The following ADAMTS2 variants were observed in gnomAD, a reference collection of about 807,000 sequenced individuals.
ADAMTS2 encodes ADAM metallopeptidase with thrombospondin type 1 motif 2.
Under a neutral mutation model 123.0 loss-of-function variants are expected in ADAMTS2, and 50 were observed. The ratio of observed to expected loss-of-function variants is 0.41; its 90% CI spans 0.32 to 0.51. ADAMTS2 has a LOEUF of 0.51. Ranked by LOEUF, ADAMTS2 falls within the 20% of genes least tolerant of loss-of-function variation. The pLI, the probability that ADAMTS2 is intolerant of heterozygous loss-of-function variation, is 0.35. For synonymous variants in ADAMTS2, 678 were observed against 695.4 expected (o/e 0.98, Z 0.39); for missense variants, 1,494 against 1,705.2 (o/e 0.88, Z 2.18).
chr5:179,238,411 C>T (rs1262961992), intron 3 of ADAMTS2, among the ~76,000 whole-genome samples: 5 of 152,276 alleles, frequency 3.3e-5, no homozygotes, highest in Admixed American at 3.3e-4. Flanking sequence ...CAGAGGGTGC[C>T]AGTGCTCTGA....
At position 179,154,122 on chromosome 5, in the gene ADAMTS2, G is replaced by T. The variant is rs1763419968; in HGVS notation, c.1309C>A (p.Pro437Thr). The change falls in exon 8 of 22, where the codon CCC becomes ACC. Residue 437 changes from proline (P) to threonine (T), a missense_variant. Transcript: ENST00000251582. ...DEVRLGSIMAPLVQAAFHRFH... is the reference protein window; with the variant it reads ...DEVRLGSIMATLVQAAFHRFH... ...CGGTGGAAGGCGGCCTGCACCAGGG[G>T]CGCCATGATGCTGCCCAGCCGCACC... 1.9e-6 allele frequency: 3 copies of T among 1,594,734 alleles called. No homozygotes were observed. Among genetic ancestry groups the T allele is most frequent in the African/African-American group, 1.3e-5 (1 of 74,810 alleles).
chr5:179,245,484 G>A (rs1339132882), intron 3 of ADAMTS2, among the ~76,000 whole-genome samples: 1 of 151,976 alleles, frequency 6.6e-6, no homozygotes, highest in Non-Finnish European at 1.5e-5. Flanking sequence ...AGATGGGGGT[G>A]GGCCGGGCGC....
In ADAMTS2 at chr5:179,162,669, C is replaced by T. The variant is rs1763618390; in HGVS notation, c.976-3790G>A. Among the ~76,000 whole-genome samples, 1 of 152,234 alleles carries T rather than the reference C, an allele frequency of 6.6e-6. No individual in the cohort carries two copies. Among genetic ancestry groups the T allele is most frequent in the Non-Finnish European group, 1.5e-5 (1 of 68,038 alleles). On this transcript the variant is annotated intron_variant, in intron 5 of 21. Coordinates refer to ENST00000251582, the MANE Select transcript of ADAMTS2 (RefSeq NM_014244.5). This position sits in a 1 kb window ranked among gnomAD's most constrained non-coding sequence, Gnocchi z 5.1. ...GCACCTCCCCTACAGAAGCCACAGT[C>T]TGCTTTTGATAGAATCTCAGTCCCG... is the stretch of plus-strand genomic sequence containing the variant.
intron 4 of ADAMTS2, among the ~76,000 whole-genome samples, chr5:179,191,385 C>T (rs982874457): frequency 1.3e-5 from 2 of 152,342 alleles, no homozygotes; most frequent in African/African-American, 4.8e-5. Context: ...GGCATCCCCC[C>T]ACACGCCCGT....
chr5:179,255,840 T>TGCA (rs1339397642), intron 3 of ADAMTS2, among the ~76,000 whole-genome samples: 1 of 152,188 alleles, frequency 6.6e-6, no homozygotes, highest in Non-Finnish European at 1.5e-5. Flanking sequence ...TCAGGGGCTC[T>TGCA]GCAGCAGCAG....
intron 11 of ADAMTS2, among the ~76,000 whole-genome samples, chr5:179,139,560 C>A (rs1763124546): frequency 6.6e-6 from 1 of 152,094 alleles, no homozygotes. Context: ...GCTGAGAGAC[C>A]ACCCCCGCTT....
chr5:179,203,900 C>T (rs34187095), intron 4 of ADAMTS2, among the ~76,000 whole-genome samples: 35,943 of 151,848 alleles, frequency 0.24, 4,479 homozygotes, highest in Middle Eastern at 0.31. Context: ...GGAACACCCA[C>T]GTTCACGGCA....
intron 4 of ADAMTS2, among the ~76,000 whole-genome samples, chr5:179,196,655 C>A (rs1422499175): frequency 6.6e-6 from 1 of 152,218 alleles, no homozygotes; most frequent in Admixed American, 6.5e-5. Flanking sequence ...CACCCACGTG[C>A]ACTGATGTAG....
At chr5:179,137,127 G>A (rs1561773260) in intron 12 of ADAMTS2, among the ~76,000 whole-genome samples, 1 of 152,224 alleles carries the variant, frequency 6.6e-6, no homozygotes, top group African/African-American at 2.4e-5. Flanking sequence ...GCCTCCGCCA[G>A]AGGGGGACCC....
At chr5:179,341,298 G>C (rs905419684) in intron 2 of ADAMTS2, 1 of 364,754 alleles carries the variant, frequency 2.7e-6, no homozygotes, top group Admixed American at 3.4e-5. Context: ...AAGATGGGCA[G>C]ATCGCTTGAG....
At chr5:179,157,113 G>GCCA (rs1036154079) in intron 6 of ADAMTS2, among the ~76,000 whole-genome samples, 1 of 151,960 alleles carries the variant, frequency 6.6e-6, no homozygotes, top group Non-Finnish European at 1.5e-5. Context: ...ACAGGCACCT[G>GCCA]CCACTACACT....
rs116668730 is a variant in ADAMTS2, at chr5:179,227,838, G to T, written c.689-20123C>A. ...AGGGCAGAAGTGCAGAGAGACTAGAGGGGGCAGGGCAGCCCTGGCTTGGGG... is the reference window on the plus strand; with the variant it reads ...AGGGCAGAAGTGCAGAGAGACTAGATGGGGCAGGGCAGCCCTGGCTTGGGG... On this transcript the variant is annotated intron_variant, in intron 3 of 21. Coordinates refer to ENST00000251582, the MANE Select transcript of ADAMTS2 (RefSeq NM_014244.5). Among the ~76,000 whole-genome samples, 281 of 152,246 alleles carry T rather than the reference G, an allele frequency of 1.8e-3. No individual in the cohort carries two copies. The East Asian group carries it at 0.028, about 15-fold the overall frequency.
At position 179,314,631 on chromosome 5, in the gene ADAMTS2, C is replaced by T. The variant is rs1217071897; in HGVS notation, c.534+29136G>A. 6.6e-6 allele frequency among the ~76,000 whole-genome samples: 1 copy of T among 152,186 alleles called. No individual in the cohort carries two copies. Among genetic ancestry groups the T allele is most frequent in the Non-Finnish European group, 1.5e-5 (1 of 68,026 alleles). On this transcript the variant is annotated intron_variant, in intron 2 of 21. Transcript: ENST00000251582. The surrounding 1 kb of genome is among the most constrained non-coding windows in gnomAD (Gnocchi z 4.5). ...TTTACAGATGAGGTGAGACAGCATG[C>T]AGAGGCCCATGTGCTTGTCCCACAG...
chr5:179,341,805 C>T (rs141977175), intron 2 of ADAMTS2, among the ~76,000 whole-genome samples: 52 of 152,298 alleles, frequency 3.4e-4, no homozygotes, highest in African/African-American at 1.2e-3. Context: ...GCCGCTCAGG[C>T]AGGTCCCAGC....
intron 2 of ADAMTS2, among the ~76,000 whole-genome samples, chr5:179,292,669 T>G (rs1285410255): frequency 1.3e-5 from 2 of 150,828 alleles, no homozygotes. Context: ...CTAGAAGGAC[T>G]GTCAGGAAGG....
intron 2 of ADAMTS2, among the ~76,000 whole-genome samples, chr5:179,309,810 G>A (rs1452862026): frequency 6.6e-6 from 1 of 151,392 alleles, no homozygotes; most frequent in Admixed American, 6.6e-5. Context: ...ACTTGACCGG[G>A]TGGGTCACCT....
chr5:179,135,963 C>G lies in ADAMTS2; in HGVS notation c.2031G>C (p.Gly677=). The G allele has an allele frequency of 6.2e-7, 1 of 1,613,418 alleles. No individual in the cohort carries two copies. Among genetic ancestry groups the G allele is most frequent in the Middle Eastern group, 1.6e-4 (1 of 6,062 alleles). The change falls in exon 13 of 22, where the codon GGG becomes GGC. Residue 677 remains glycine, a synonymous_variant. Coordinates refer to ENST00000251582, the MANE Select transcript of ADAMTS2 (RefSeq NM_014244.5). The part of the protein sequence containing the change: ...VVSMKRMVHD[G]TRCSYKDAFS... ...AGGCGTCCTTGTAGGAGCAGCGCGT[C>G]CCGTCATGCACCATGCGCTTCATGG...
chr5:179,161,628 G>T (rs1009162298), intron 5 of ADAMTS2, among the ~76,000 whole-genome samples: 9 of 152,194 alleles, frequency 5.9e-5, no homozygotes, highest in African/African-American at 9.7e-5. Flanking sequence ...GTGCCGGAAA[G>T]CGCCTGGAAT....
chr5:179,222,239 G>C (rs1765143303), intron 3 of ADAMTS2, among the ~76,000 whole-genome samples: 1 of 152,178 alleles, frequency 6.6e-6, no homozygotes, highest in Non-Finnish European at 1.5e-5. Flanking sequence ...GAGGGAAGGG[G>C]CTCCTCATAC....
Sources: allele counts gnomAD v4.1 joint callset (sites outside exome capture counted in the v4.1 genomes callset), GRCh38; gene constraint gnomAD v4.1.1; non-coding constraint Gnocchi (gnomAD v3.1); transcripts MANE v1.5; gene names NCBI Gene and HGNC (gene_info 2026-07-23, HGNC 2026-07-21).